The following LMBRD1 variants were observed in gnomAD, a reference collection of about 807,000 sequenced individuals.
LMBRD1 encodes lysosomal cobalamin transport escort protein LMBD1.
In LMBRD1, 64 loss-of-function variants were observed where a neutral mutation model predicts 74.8. The ratio of observed to expected loss-of-function variants is 0.86; its 90% CI spans 0.70 to 1.05. The LOEUF (loss-of-function observed/expected upper bound fraction) is 1.05. Ranked by LOEUF, LMBRD1 falls within the 50% of genes least tolerant of loss-of-function variation. LMBRD1 has a pLI of 0.00. For synonymous variants in LMBRD1, 204 were observed against 216.3 expected, an observed-to-expected ratio of 0.94 and a Z score of 0.50; for missense variants, 652 against 645.9, an observed-to-expected ratio of 1.01 and a Z score of -0.10.
chr6:69,691,855 GAC>G (rs1433579137), intron 14 of LMBRD1, among the ~76,000 whole-genome samples: 1 of 127,634 alleles, frequency 7.8e-6, no homozygotes, highest in Non-Finnish European at 1.6e-5. Context: ...CAGACTGGGC[GAC>G]AGTGTGAGAC....
At chr6:69,704,935 AGT>A (rs1256946172) in intron 9 of LMBRD1, among the ~76,000 whole-genome samples, 5 of 143,310 alleles carry the variant, frequency 3.5e-5, no homozygotes, top group Non-Finnish European at 6.0e-5. Flanking sequence ...TTTACTGGTA[AGT>A]GTGTTTCAGG....
chr6:69,706,410 ATT>A (rs938914376), intron 9 of LMBRD1, among the ~76,000 whole-genome samples: 5 of 152,170 alleles, frequency 3.3e-5, no homozygotes, highest in Non-Finnish European at 7.4e-5. Flanking sequence ...TAATCTATTG[ATT>A]TTGTTACAAT....
intron 6 of LMBRD1, among the ~76,000 whole-genome samples, chr6:69,740,612 G>A (rs1767080720): frequency 6.6e-6 from 1 of 152,060 alleles, no homozygotes; most frequent in South Asian, 2.1e-4. Context: ...TAAGTGGAAA[G>A]CAAGAAAATT....
intron 2 of LMBRD1, among the ~76,000 whole-genome samples, chr6:69,787,685 G>A (rs1765987101): frequency 6.6e-6 from 1 of 152,116 alleles, no homozygotes; most frequent in Non-Finnish European, 1.5e-5. Context: ...GGCGGAGGTT[G>A]CAGTGAAACT....
At chr6:69,790,708 C>A in intron 1 of LMBRD1, 1 of 505,482 alleles carries the variant, frequency 2.0e-6, no homozygotes, top group South Asian at 2.0e-5. Context: ...TAACAGTGCT[C>A]AGCTACATAT....
chr6:69,766,853 G>T (rs891806105), intron 3 of LMBRD1, among the ~76,000 whole-genome samples: 5 of 151,364 alleles, frequency 3.3e-5, no homozygotes, highest in African/African-American at 9.7e-5. Context: ...CTAGGTATGG[G>T]GTTCTCTTTG....
Position 69,780,574 on chromosome 6 carries a change from T to C in LMBRD1, c.247-20A>G, listed in dbSNP as rs762894069. Reference sequence around the variant, plus strand: ...CCAGTCCTAGGATAAAAGGAAACAATAGAAATATTAATGAAACACCCATTT... The same window carrying C: ...CCAGTCCTAGGATAAAAGGAAACAACAGAAATATTAATGAAACACCCATTT... On this transcript the variant is annotated intron_variant, in intron 2 of 15. Transcript: ENST00000649934. 17 of 1,578,326 alleles carry C rather than the reference T, an allele frequency of 1.1e-5. No homozygotes were observed. The highest frequency in any genetic ancestry group is 2.7e-5 in the African/African-American group (2 of 74,140).
chr6:69,779,185 C>CAAAAAAAAA (rs11397050), intron 3 of LMBRD1, among the ~76,000 whole-genome samples: 2 of 100,148 alleles, frequency 2.0e-5, no homozygotes, highest in African/African-American at 9.0e-5. Context: ...GACTCAGTCT[C>CAAAAAAAAA]AAAAAAAAAA....
chr6:69,729,194 T>G (rs1317520291), intron 7 of LMBRD1, among the ~76,000 whole-genome samples: 1 of 147,250 alleles, frequency 6.8e-6, no homozygotes, highest in Non-Finnish European at 1.5e-5. Flanking sequence ...TTTTATTCCA[T>G]GTAGTGCCCT....
chr6:69,771,242 G>A (rs980468068), intron 3 of LMBRD1, among the ~76,000 whole-genome samples: 1 of 152,200 alleles, frequency 6.6e-6, no homozygotes, highest in African/African-American at 2.4e-5. Flanking sequence ...CTTGACTGGG[G>A]AAGAACCTGC....
In LMBRD1 at chr6:69,757,906, A is replaced by G. The variant is rs150072296; in HGVS notation, c.308-5550T>C. ...ACCCACTAACATCAAAGAACACATT[A>G]AGAAAAAATTTTTAAGCCTCATGTC... On this transcript the variant is annotated intron_variant, in intron 3 of 15. Coordinates refer to ENST00000649934, the MANE Select transcript of LMBRD1 (RefSeq NM_018368.4). 3.4e-3 allele frequency among the ~76,000 whole-genome samples: 515 copies of G among 152,296 alleles called. 5 individuals are homozygous for G. Among genetic ancestry groups the G allele is most frequent in the African/African-American group, 0.011 (475 of 41,564 alleles).
intron 3 of LMBRD1, among the ~76,000 whole-genome samples, chr6:69,774,175 T>A (rs754709555): frequency 3.0e-4 from 45 of 152,282 alleles, no homozygotes; most frequent in Non-Finnish European, 5.6e-4. Flanking sequence ...TGATTAAGTC[T>A]CACGAGATCT....
At chr6:69,730,508 A>C (rs1766832281) in intron 7 of LMBRD1, among the ~76,000 whole-genome samples, 1 of 152,146 alleles carries the variant, frequency 6.6e-6, no homozygotes, top group Admixed American at 6.6e-5. Flanking sequence ...GGATGCATCT[A>C]AAAATTGAAG....
intron 7 of LMBRD1, among the ~76,000 whole-genome samples, chr6:69,725,339 TCACA>T (rs111747887): frequency 0.21 from 31,069 of 147,996 alleles, 3,994 homozygotes; most frequent in African/African-American, 0.37. Flanking sequence ...ATGACAATCT[TCACA>T]CACACACACA....
At chr6:69,736,753 G>T (rs971594377) in intron 7 of LMBRD1, among the ~76,000 whole-genome samples, 1 of 152,112 alleles carries the variant, frequency 6.6e-6, no homozygotes, top group Non-Finnish European at 1.5e-5. Context: ...ATCCAGAAAG[G>T]TTAAAGGACA....
rs1015083191 is a variant in LMBRD1, at chr6:69,713,900, T to C, written c.763-103A>G. 1.2e-5 allele frequency: 15 copies of C among 1,227,048 alleles called. No homozygotes were observed. The Admixed American group carries it at 1.9e-4, about 15-fold the overall frequency. 76.0% of individuals were successfully genotyped at this position (1,227,048 alleles called of 1,614,324 possible). On this transcript the variant is annotated intron_variant, in intron 8 of 15. Coordinates refer to ENST00000649934, the MANE Select transcript of LMBRD1 (RefSeq NM_018368.4). The stretch of plus-strand genomic sequence containing the variant: ...AACAAAACCTTTTCAGGATGGACAC[T>C]CTTTAGGCAAATTTACAAACTAAAA...
At chr6:69,792,173 A>T (rs1483583231) in intron 1 of LMBRD1, among the ~76,000 whole-genome samples, 1 of 152,244 alleles carries the variant, frequency 6.6e-6, no homozygotes, top group East Asian at 1.9e-4. Flanking sequence ...CTCTCTTAAG[A>T]ATGCCCACAC....
At chr6:69,757,659 A>G (rs1236073727) in intron 3 of LMBRD1, among the ~76,000 whole-genome samples, 5 of 152,048 alleles carry the variant, frequency 3.3e-5, no homozygotes, top group African/African-American at 9.7e-5. Context: ...TAAATGGGGG[A>G]AAAAATATTG....
chr6:69,790,782 A>C, intron 1 of LMBRD1: 1 of 361,574 alleles, frequency 2.8e-6, no homozygotes. Flanking sequence ...CTAGCTTTGA[A>C]TATTTTTTTC....
Sources: gnomAD v4.1 joint callset for allele counts (sites outside exome capture counted in the v4.1 genomes callset) on GRCh38, gnomAD v4.1.1 for gene constraint, MANE v1.5 for transcripts, NCBI Gene and HGNC (gene_info 2026-07-23, HGNC 2026-07-21) for gene names.